The following DOCK4 variants were observed in gnomAD, a reference collection of about 807,000 sequenced individuals.
DOCK4 encodes the protein dedicator of cytokinesis protein 4.
Under a neutral mutation model 268.1 loss-of-function variants are expected in DOCK4, and 97 were observed. The ratio of observed to expected loss-of-function variants is 0.36; its 90% CI spans 0.31 to 0.43. DOCK4 has a LOEUF of 0.43. Among genes scored for constraint, DOCK4 ranks in the 20% least tolerant of loss-of-function variants. The probability of loss-of-function intolerance (pLI) is 1.00; values close to 1 mark genes in which losing one functional copy is unlikely to be tolerated. For synonymous variants in DOCK4, 954 were observed against 887.2 expected (o/e 1.08, Z -1.34); for missense variants, 2,145 against 2,455.7 (o/e 0.87, Z 2.67).
At chr7:112,206,069 A>T (rs1033409527) in intron 1 of DOCK4, 33 bp downstream of exon 1, 8 of 1,563,900 alleles carry the variant, frequency 5.1e-6, no homozygotes, top group Non-Finnish European at 6.9e-6. Flanking sequence ...CTCGGGCCAG[A>T]GCAGAATAAA....
intron 8 of DOCK4, chr7:111,971,406 G>T: frequency 4.6e-6 from 1 of 218,406 alleles, no homozygotes; most frequent in Non-Finnish European, 9.2e-6. Context: ...TAACCTGTGT[G>T]AAAGCGACAG....
chr7:111,973,836 A>AAT (rs562534172), intron 8 of DOCK4, among the ~76,000 whole-genome samples: 68 of 152,342 alleles, frequency 4.5e-4, no homozygotes, highest in African/African-American at 1.6e-3. Context: ...GGTTCCTTAC[A>AAT]ATAGTCTACT....
At chr7:111,796,829 C>A (rs1261888195) in intron 30 of DOCK4, among the ~76,000 whole-genome samples, 1 of 152,130 alleles carries the variant, frequency 6.6e-6, no homozygotes, top group African/African-American at 2.4e-5. Context: ...GGTGGACAAG[C>A]TAAGGTTGCG....
At chr7:112,122,244 G>T (rs1812797197) in intron 1 of DOCK4, among the ~76,000 whole-genome samples, 1 of 152,046 alleles carries the variant, frequency 6.6e-6, no homozygotes, top group Admixed American at 6.6e-5. Flanking sequence ...GTAGTGTTAA[G>T]TATATTCATA....
At chr7:111,828,057 A>G (rs1225624518) in intron 26 of DOCK4, among the ~76,000 whole-genome samples, 1 of 152,206 alleles carries the variant, frequency 6.6e-6, no homozygotes, top group African/African-American at 2.4e-5. Flanking sequence ...TATATATGAA[A>G]TGCCAAGGAT....
chr7:111,872,478 C>G lies in DOCK4; in HGVS notation c.1831G>C (p.Glu611Gln). ...LSKLKEIDGS[E>Q]IVKFLQDTLD... ...GAAATACTATATACCTTTACTATCT[C>G]TGAGCCATCAATTTCTTTTAATTTA... The change falls in exon 18 of 53, where the codon GAG (glutamate) becomes CAG (glutamine). Residue 611 changes from glutamate to glutamine, a missense_variant. Glu to Gln is a conservative substitution (Grantham distance 29). Transcript: ENST00000428084. 1 of 1,594,900 alleles carries G rather than the reference C, an allele frequency of 6.3e-7. No homozygotes were observed. The highest frequency in any genetic ancestry group is 8.6e-7 in the Non-Finnish European group (1 of 1,169,368).
chr7:111,983,729 A>G (rs2135170182), intron 7 of DOCK4, among the ~76,000 whole-genome samples: 1 of 152,160 alleles, frequency 6.6e-6, no homozygotes, highest in South Asian at 2.1e-4. Flanking sequence ...GGGCTTCAGT[A>G]CTTAGGAATG....
intron 5 of DOCK4, among the ~76,000 whole-genome samples, chr7:111,991,961 C>CAAAAA (rs60667093): frequency 9.6e-4 from 49 of 50,922 alleles, no homozygotes; most frequent in African/African-American, 3.3e-3. Flanking sequence ...ACTCTGTCTC[C>CAAAAA]AAAAAAAAAA....
chr7:112,204,636 T>A (rs1821218495), intron 1 of DOCK4, among the ~76,000 whole-genome samples: 1 of 152,150 alleles, frequency 6.6e-6, no homozygotes, highest in Non-Finnish European at 1.5e-5. Flanking sequence ...TCTTGGTAAT[T>A]AGTCACAATC....
chr7:111,736,516 CAT>C (rs1254138966), intron 50 of DOCK4, among the ~76,000 whole-genome samples: 6 of 152,150 alleles, frequency 3.9e-5, no homozygotes, highest in African/African-American at 9.7e-5. Context: ...ACAAACAACA[CAT>C]GAGTTGGCTG....
intron 27 of DOCK4, among the ~76,000 whole-genome samples, chr7:111,814,722 G>A (rs1345245180): frequency 6.6e-6 from 1 of 152,124 alleles, no homozygotes; most frequent in East Asian, 1.9e-4. Flanking sequence ...ATATTAGGAC[G>A]ATTTGTATGG....
intron 5 of DOCK4, among the ~76,000 whole-genome samples, chr7:111,989,817 T>C (rs907877370): frequency 6.6e-6 from 1 of 152,230 alleles, no homozygotes; most frequent in African/African-American, 2.4e-5. Flanking sequence ...GAAGACAAGT[T>C]AAAATCCTGG....
chr7:112,011,033 A>C (rs181174406), intron 1 of DOCK4, among the ~76,000 whole-genome samples: 166 of 152,256 alleles, frequency 1.1e-3, no homozygotes, highest in Admixed American at 2.9e-3. Context: ...ATAGTCCTCG[A>C]ACCCTAGCAC....
chr7:112,111,214 G>A (rs897356434), intron 1 of DOCK4, among the ~76,000 whole-genome samples: 3 of 152,172 alleles, frequency 2.0e-5, no homozygotes, highest in African/African-American at 7.2e-5. Context: ...CCCAGGAGGG[G>A]TTGTGAGGAC....
chr7:111,997,815 T>C (rs1420157995), intron 4 of DOCK4, among the ~76,000 whole-genome samples: 2 of 152,232 alleles, frequency 1.3e-5, no homozygotes, highest in African/African-American at 4.8e-5. Flanking sequence ...GCTAACTATT[T>C]ACACAGGCAA....
At chr7:112,076,932 G>A (rs552832646) in intron 1 of DOCK4, among the ~76,000 whole-genome samples, 16 of 150,464 alleles carry the variant, frequency 1.1e-4, no homozygotes, top group Middle Eastern at 3.4e-3. Flanking sequence ...AACAAAGATC[G>A]CATCATTTGA....
At position 111,973,110 on chromosome 7, in the gene DOCK4, A is replaced by G. The variant is rs1797855171; in HGVS notation, c.701+4022T>C. On this transcript the variant is annotated intron_variant, in intron 8 of 52. Transcript: ENST00000428084. ...CTCTAATTTCATCCAGGTTGCTGCA[A>G]AAGCCATTATTTCATTCCTTTATAT... Among the ~76,000 whole-genome samples, 3 of 146,576 alleles carry G rather than the reference A, an allele frequency of 2.0e-5. No individual in the cohort carries two copies. The South Asian group carries it at 6.4e-4, about 31-fold the overall frequency.
At chr7:112,001,014 G>A (rs1800382892) in intron 2 of DOCK4, among the ~76,000 whole-genome samples, 1 of 152,114 alleles carries the variant, frequency 6.6e-6, no homozygotes, top group South Asian at 2.1e-4. Context: ...AATAGTACCT[G>A]GCCAACAGTC....
chr7:111,963,085 C>T (rs1426421107), intron 8 of DOCK4, among the ~76,000 whole-genome samples: 1 of 152,048 alleles, frequency 6.6e-6, no homozygotes, highest in Admixed American at 6.6e-5. Flanking sequence ...CAACTTTAAC[C>T]GATGAAGCCC....
Sources: allele counts gnomAD v4.1 joint callset (sites outside exome capture counted in the v4.1 genomes callset), GRCh38; gene constraint gnomAD v4.1.1; transcripts MANE v1.5; gene names NCBI Gene and HGNC (gene_info 2026-07-23, HGNC 2026-07-21).